RASA3: variants seen among roughly 807,000 people sequenced by gnomAD.
The protein encoded by RASA3 is RAS p21 protein activator 3, also known as ras GTPase-activating protein 3.
In RASA3, 73 loss-of-function variants were observed where a neutral mutation model predicts 110.0. The observed-to-expected ratio is 0.66, with a 90% CI of 0.55 to 0.81. RASA3 has a LOEUF of 0.81. Among genes scored for constraint, RASA3 ranks in the 30% least tolerant of loss-of-function variants. RASA3 has a pLI of 0.00. For synonymous variants in RASA3, 500 were observed against 451.4 expected (o/e 1.11, Z -1.37); for missense variants, 976 against 1,113.2 (o/e 0.88, Z 1.75).
intron 14 of RASA3, among the ~76,000 whole-genome samples, chr13:114,013,734 GTCTCTGGCTCTCTCTCTCTCTCTCCATC>G (rs2053706610): frequency 2.6e-5 from 1 of 38,240 alleles, no homozygotes. Context: ...CCGTCCGTCT[GTCTCTGGCTCTCTCTCTCTCTCTCCATC>G]TCTCTGTCTC....
chr13:114,029,804 G>C lies in RASA3; in HGVS notation c.449+7C>G. The C allele has an allele frequency of 1.3e-6, 2 of 1,590,166 alleles. No homozygotes were observed. Among genetic ancestry groups the C allele is most frequent in the African/African-American group, 2.7e-5 (2 of 74,460 alleles). ...TGCGCTCGGTCTCTAGTGAGGACGTGTCTTACCGTGTGGCGAGCTTGTGGC... is the reference window on the plus strand; with the variant it reads ...TGCGCTCGGTCTCTAGTGAGGACGTCTCTTACCGTGTGGCGAGCTTGTGGC... On this transcript the variant is annotated splice_region_variant and intron_variant, in intron 5 of 23. Coordinates refer to ENST00000334062, the MANE Select transcript of RASA3 (RefSeq NM_007368.4).
chr13:114,063,765 C>T (rs190133451), intron 2 of RASA3, among the ~76,000 whole-genome samples: 60 of 145,888 alleles, frequency 4.1e-4, no homozygotes, highest in Non-Finnish European at 6.0e-4. Flanking sequence ...GTCCTGAGGC[C>T]TTTGAAACAC....
intron 1 of RASA3, among the ~76,000 whole-genome samples, chr13:114,106,858 T>C (rs139228058): frequency 6.6e-6 from 1 of 152,334 alleles, no homozygotes; most frequent in East Asian, 1.9e-4. Flanking sequence ...TCTGCGTATG[T>C]TTAAAATTAA....
At chr13:114,029,943 T>G in intron 4 of RASA3, 56 bp from the exon 5 acceptor site, 1 of 1,478,230 alleles carries the variant, frequency 6.8e-7, no homozygotes, top group Non-Finnish European at 9.2e-7. Context: ...CACAGGCCAC[T>G]AGGGCCGCGC....
intron 2 of RASA3, among the ~76,000 whole-genome samples, chr13:114,062,124 G>A (rs1020408250): frequency 2.0e-5 from 3 of 151,644 alleles, no homozygotes; most frequent in Non-Finnish European, 2.9e-5. Context: ...AGCAAGACAC[G>A]ATTTTCCACG....
At chr13:114,019,229 C>T (rs1183346241) in intron 9 of RASA3, among the ~76,000 whole-genome samples, 2 of 152,222 alleles carry the variant, frequency 1.3e-5, no homozygotes, top group African/African-American at 2.4e-5. Flanking sequence ...GTGACCCGCC[C>T]TAAGACCCAC....
At chr13:114,066,658 C>G (rs567157192) in intron 2 of RASA3, among the ~76,000 whole-genome samples, 1 of 152,352 alleles carries the variant, frequency 6.6e-6, no homozygotes, top group African/African-American at 2.4e-5. Context: ...ACCTCATGCT[C>G]TCCGCCGGCT....
chr13:114,050,945 A>T (rs1230114908), intron 3 of RASA3, among the ~76,000 whole-genome samples: 1 of 152,246 alleles, frequency 6.6e-6, no homozygotes, highest in African/African-American at 2.4e-5. Context: ...GGGACGATGA[A>T]GAAAGCCCAC....
chr13:113,991,980 C>T (rs559386978), intron 22 of RASA3, among the ~76,000 whole-genome samples: 187 of 152,288 alleles, frequency 1.2e-3, no homozygotes, highest in African/African-American at 4.1e-3. Context: ...TGCACTCACA[C>T]GTGTCCACAC....
rs559451562 is a variant in RASA3, at chr13:113,992,540, C to T, written c.2190G>A (p.Thr730=). The part of the protein sequence containing the change: ...IQLDIDGDRE[T]ERIYSLFNLY... ...AGTTGAAGAGGGAGTAGATACGCTC[C>T]GTCTCACGGTCCCCATCAATGTCCA... The change falls in exon 22 of 24, where the codon ACG becomes ACA. Residue 730 remains threonine (T), a synonymous_variant. Transcript: ENST00000334062. 49 of 1,613,658 alleles carry T rather than the reference C, an allele frequency of 3.0e-5. 2 individuals carry two copies. In the South Asian group the frequency reaches 4.2e-4, roughly 14 times the overall value.
chr13:114,019,445 C>G (rs1170935332), intron 9 of RASA3, among the ~76,000 whole-genome samples: 1 of 152,220 alleles, frequency 6.6e-6, no homozygotes, highest in African/African-American at 2.4e-5. Flanking sequence ...CTCTTCTGCT[C>G]TCATTTGTGG....
chr13:113,979,463 G>T (rs757815551), intron 23 of RASA3, 41 bp from the exon 24 acceptor site: 1 of 1,477,714 alleles, frequency 6.8e-7, no homozygotes, highest in Admixed American at 1.7e-5. Flanking sequence ...CACAGACCCC[G>T]TTGCCTGGTG....
intron 1 of RASA3, among the ~76,000 whole-genome samples, chr13:114,076,833 A>G (rs751808370): frequency 1.3e-5 from 2 of 152,134 alleles, no homozygotes; most frequent in Admixed American, 6.5e-5. Context: ...TCTGCAGCAG[A>G]TAGAAGTCCT....
chr13:114,092,352 G>C (rs2079898741), intron 1 of RASA3, among the ~76,000 whole-genome samples: 1 of 152,034 alleles, frequency 6.6e-6, no homozygotes, highest in Non-Finnish European at 1.5e-5. Flanking sequence ...ATAGGTTTTG[G>C]TATGTTATGT....
At chr13:114,068,221 G>A (rs576265421) in intron 2 of RASA3, among the ~76,000 whole-genome samples, 1 of 152,210 alleles carries the variant, frequency 6.6e-6, no homozygotes, top group African/African-American at 2.4e-5. Context: ...CCACAGAAAG[G>A]GGGGGCCAGG....
At chr13:114,117,667 G>A (rs576943793) in intron 1 of RASA3, among the ~76,000 whole-genome samples, 6 of 140,598 alleles carry the variant, frequency 4.3e-5, no homozygotes, top group African/African-American at 1.6e-4. Flanking sequence ...CGTGTGTGAG[G>A]GATGCACGTG....
chr13:114,012,699 C>T (rs568983317), intron 15 of RASA3, among the ~76,000 whole-genome samples: 7 of 143,748 alleles, frequency 4.9e-5, no homozygotes, highest in Admixed American at 4.8e-4. Context: ...CCACACACTC[C>T]TCATTCCACA....
At chr13:114,013,004 T>G (rs9742247) in intron 15 of RASA3, 138 bp downstream of exon 15, 7 of 640,958 alleles carry the variant, frequency 1.1e-5, no homozygotes, top group Non-Finnish European at 1.9e-5. Context: ...CACTCCCCAC[T>G]CACTCCTGAT....
rs561811718 is a variant in RASA3, at chr13:114,027,875, C to A, written c.502G>T (p.Ala168Ser). ...PIVNGQCDPYATVTLAGPFRS... is the reference protein window; with the variant it reads ...PIVNGQCDPYSTVTLAGPFRS... ...AAGGGTCCTGCCAGCGTCACGGTGG[C>A]GTAGGGGTCACATTGCCCATTCACG... The change falls in exon 6 of 24, where the codon GCC (alanine) becomes TCC (serine). Residue 168 changes from alanine to serine, a missense_variant. By Grantham distance (99) the Ala-to-Ser change is moderately conservative. This residue lies in a region of RASA3 where 732 missense variants were observed against 779.7 expected (regional missense o/e 0.94). Coordinates refer to ENST00000334062, the MANE Select transcript of RASA3 (RefSeq NM_007368.4). The A allele has an allele frequency of 1.2e-6, 2 of 1,613,888 alleles. No individual in the cohort carries two copies.
Sources: gnomAD v4.1 joint callset for allele counts (sites outside exome capture counted in the v4.1 genomes callset) on GRCh38, gnomAD v4.1.1 for gene constraint, gnomAD v4.1.1 regional missense constraint, MANE v1.5 for transcripts, NCBI Gene and HGNC (gene_info 2026-07-23, HGNC 2026-07-21) for gene names.